GALNT13: variants seen among roughly 807,000 people sequenced by gnomAD.
GALNT13 encodes the protein polypeptide N-acetylgalactosaminyltransferase 13.
Under a neutral mutation model 64.2 loss-of-function variants are expected in GALNT13, and 28 were observed. The observed-to-expected ratio is 0.44, with a 90% CI of 0.32 to 0.60. The LOEUF (loss-of-function observed/expected upper bound fraction) is 0.60, where lower values mean the gene tolerates loss of function less well. GALNT13 is among the 20% of genes least tolerant of loss of function. GALNT13 has a pLI of 0.05. For synonymous variants in GALNT13, 214 were observed against 224.6 expected (o/e 0.95, Z 0.42); for missense variants, 577 against 669.8 (o/e 0.86, Z 1.53).
the GALNT13 span, among the ~76,000 whole-genome samples, chr2:153,680,438 A>T: frequency 1.3e-5 from 2 of 151,930 alleles, no homozygotes; most frequent in Non-Finnish European, 2.9e-5. Flanking sequence ...GCACAAAAAT[A>T]TGTGGGAACT....
At chr2:153,796,066 G>C in the GALNT13 span, among the ~76,000 whole-genome samples, 1 of 152,202 alleles carries the variant, frequency 6.6e-6, no homozygotes, top group South Asian at 2.1e-4. Flanking sequence ...GAGAGTTAAA[G>C]CGTTCACTTC....
At chr2:153,261,912 AT>A in the GALNT13 span, among the ~76,000 whole-genome samples, 2 of 152,070 alleles carry the variant, frequency 1.3e-5, no homozygotes, top group South Asian at 4.1e-4. Context: ...CTCTGCAGTC[AT>A]CTTTTGGTGA....
At chr2:153,881,486 G>A (rs1686783873) in intron 1 of GALNT13, among the ~76,000 whole-genome samples, 1 of 152,102 alleles carries the variant, frequency 6.6e-6, no homozygotes, top group South Asian at 2.1e-4. Flanking sequence ...GAGATGAATT[G>A]TAGGTAATTG....
intron 8 of GALNT13, among the ~76,000 whole-genome samples, chr2:154,285,877 G>A (rs1692236615): frequency 6.6e-6 from 1 of 151,952 alleles, no homozygotes; most frequent in Non-Finnish European, 1.5e-5. Flanking sequence ...CAATTTTTTA[G>A]TCAATGTTTT....
At chr2:154,395,483 T>C (rs1699013156) in intron 9 of GALNT13, among the ~76,000 whole-genome samples, 1 of 152,090 alleles carries the variant, frequency 6.6e-6, no homozygotes, top group South Asian at 2.1e-4. Flanking sequence ...TCAATAAAAA[T>C]TAAGTTTATG....
the GALNT13 span, among the ~76,000 whole-genome samples, chr2:153,540,943 G>T: frequency 6.6e-6 from 1 of 152,134 alleles, no homozygotes; most frequent in Non-Finnish European, 1.5e-5. Flanking sequence ...TGGACTTTTG[G>T]CTTAATGTTG....
chr2:153,822,401 T>C, the GALNT13 span, among the ~76,000 whole-genome samples: 2 of 152,176 alleles, frequency 1.3e-5, no homozygotes, highest in Admixed American at 6.5e-5. Context: ...GTAGGCTTTA[T>C]TCTGGGGATA....
At chr2:154,366,036 T>A (rs939803514) in intron 9 of GALNT13, among the ~76,000 whole-genome samples, 7 of 152,176 alleles carry the variant, frequency 4.6e-5, no homozygotes, top group Admixed American at 3.9e-4. Context: ...AACTAAAGCC[T>A]GTTGATGTGT....
chr2:153,162,580 C>T, the GALNT13 span, among the ~76,000 whole-genome samples: 3 of 152,158 alleles, frequency 2.0e-5, no homozygotes, highest in Admixed American at 2.0e-4. Flanking sequence ...TCCACTACAA[C>T]TAAATGAAAC....
At chr2:153,196,428 C>G in the GALNT13 span, among the ~76,000 whole-genome samples, 1 of 152,164 alleles carries the variant, frequency 6.6e-6, no homozygotes, top group South Asian at 2.1e-4. Context: ...TGACAGTGAC[C>G]AGGCTTGGCC....
the GALNT13 span, among the ~76,000 whole-genome samples, chr2:153,832,213 T>C: frequency 6.6e-6 from 1 of 152,108 alleles, no homozygotes; most frequent in South Asian, 2.1e-4. Flanking sequence ...GAAGAAGGCA[T>C]AGTGGAGACT....
chr2:154,305,179 C>T (rs537399350), intron 9 of GALNT13, among the ~76,000 whole-genome samples: 165 of 152,288 alleles, frequency 1.1e-3, no homozygotes, highest in African/African-American at 3.8e-3. Context: ...TAGGCTAAAA[C>T]AGCAGTGGTC....
the GALNT13 span, among the ~76,000 whole-genome samples, chr2:153,680,492 CAATT>C: frequency 1.6e-3 from 242 of 151,962 alleles, no homozygotes; most frequent in African/African-American, 5.7e-3. Context: ...AAAATAAACT[CAATT>C]TATAAGTGAT....
intron 9 of GALNT13, among the ~76,000 whole-genome samples, chr2:154,326,326 C>CAAA (rs35753554): frequency 2.1e-5 from 2 of 95,074 alleles, no homozygotes; most frequent in African/African-American, 3.3e-5. Flanking sequence ...GGGATTTCTG[C>CAAA]AAAAAAAAAA....
At chr2:153,112,600 T>A in the GALNT13 span, among the ~76,000 whole-genome samples, 1 of 152,138 alleles carries the variant, frequency 6.6e-6, no homozygotes, top group Non-Finnish European at 1.5e-5. Flanking sequence ...CATGTTAATC[T>A]TCTGTTCCCA....
the GALNT13 span, among the ~76,000 whole-genome samples, chr2:153,838,070 A>G: frequency 6.6e-6 from 1 of 152,016 alleles, no homozygotes; most frequent in African/African-American, 2.4e-5. Context: ...TCTTTGGATA[A>G]ATCTCTATTC....
At chr2:153,616,633 A>C in the GALNT13 span, among the ~76,000 whole-genome samples, 1 of 151,536 alleles carries the variant, frequency 6.6e-6, no homozygotes, top group Non-Finnish European at 1.5e-5. Flanking sequence ...TTTATTGTAG[A>C]GATCTTTTTC....
chr2:153,571,152 T>G, the GALNT13 span, among the ~76,000 whole-genome samples: 1 of 151,994 alleles, frequency 6.6e-6, no homozygotes, highest in Non-Finnish European at 1.5e-5. Context: ...TTTTACAGTT[T>G]TAATTGTAGA....
intron 11 of GALNT13, chr2:154,437,908 A>G (rs1462160550): frequency 4.6e-6 from 1 of 216,020 alleles, no homozygotes; most frequent in Non-Finnish European, 9.6e-6. Context: ...TTGTAAATAA[A>G]TTATTCACAC....
Sources: allele counts gnomAD v4.1 joint callset (sites outside exome capture counted in the v4.1 genomes callset), GRCh38; gene constraint gnomAD v4.1.1; transcripts MANE v1.5; gene names NCBI Gene and HGNC (gene_info 2026-07-23, HGNC 2026-07-21).